ROBO2: variants seen among roughly 807,000 people sequenced by gnomAD.
ROBO2 encodes the protein roundabout guidance receptor 2, also known as roundabout homolog 2.
A neutral mutation model predicts 160.8 loss-of-function variants in ROBO2; 53 were observed. The ratio of observed to expected loss-of-function variants is 0.33; its 90% CI spans 0.26 to 0.41. ROBO2 has a LOEUF of 0.41. Ranked by LOEUF, ROBO2 falls within the 10% of genes least tolerant of loss-of-function variation. ROBO2 has a pLI of 1.00. For missense variants in ROBO2, 1,577 were observed against 1,722.4 expected, an observed-to-expected ratio of 0.92 and a Z score of 1.49; for synonymous variants, 664 against 611.7, an observed-to-expected ratio of 1.09 and a Z score of -1.26.
At chr3:76,744,126 T>C (rs1435175964) in intron 2 of ROBO2, among the ~76,000 whole-genome samples, 3 of 152,148 alleles carry the variant, frequency 2.0e-5, no homozygotes, top group African/African-American at 7.2e-5. Context: ...AAAATGAAGT[T>C]AGAAGATGAG....
chr3:76,963,850 GA>G lies in ROBO2; in HGVS notation c.110-134156del, dbSNP rs1252257358. On this transcript the variant is annotated intron_variant, in intron 2 of 26. Transcript: ENST00000487694. ...ATGAGGAACTGCAAAAAAAAAAAAAGAAAAAAAAGAAAAAAGAAATAAAAAG... is the reference window on the plus strand; with the variant it reads ...ATGAGGAACTGCAAAAAAAAAAAAAGAAAAAAAGAAAAAAGAAATAAAAAG... Among the ~76,000 whole-genome samples, 48 of 110,340 alleles carry G rather than the reference GA, an allele frequency of 4.4e-4. 1 individual carries two copies. The South Asian group carries it at 0.013, about 29-fold the overall frequency. The allele number at this position is 110,340 out of a possible 152,430, so 72.4% of individuals were successfully genotyped here.
chr3:76,871,994 G>T (rs1220633862), intron 2 of ROBO2, among the ~76,000 whole-genome samples: 1 of 151,762 alleles, frequency 6.6e-6, no homozygotes, highest in African/African-American at 2.4e-5. Context: ...TTTCATGAAA[G>T]CTCTAAACTT....
chr3:75,916,967 T>C (rs1425448930), intron 1 of ROBO2, among the ~76,000 whole-genome samples: 1 of 130,372 alleles, frequency 7.7e-6, no homozygotes, highest in Non-Finnish European at 1.6e-5. Context: ...ATAATGAAAA[T>C]GAGTGCATGT....
intron 2 of ROBO2, among the ~76,000 whole-genome samples, chr3:76,161,902 T>G (rs2072653811): frequency 6.6e-6 from 1 of 152,172 alleles, no homozygotes; most frequent in African/African-American, 2.4e-5. Context: ...TTGAGCATGT[T>G]AAATGAAAGG....
intron 2 of ROBO2, among the ~76,000 whole-genome samples, chr3:76,414,857 G>C (rs953120176): frequency 6.6e-6 from 1 of 151,970 alleles, no homozygotes; most frequent in African/African-American, 2.4e-5. Context: ...TATTCTAAGG[G>C]AAGTGATTGA....
At chr3:76,139,842 A>C (rs571490555) in intron 2 of ROBO2, among the ~76,000 whole-genome samples, 1 of 152,054 alleles carries the variant, frequency 6.6e-6, no homozygotes, top group Non-Finnish European at 1.5e-5. Flanking sequence ...TTCCAATCTC[A>C]TATTAGAACT....
At chr3:76,646,528 T>A (rs932567215) in intron 2 of ROBO2, among the ~76,000 whole-genome samples, 5 of 152,180 alleles carry the variant, frequency 3.3e-5, no homozygotes, top group African/African-American at 1.2e-4. Context: ...ATTCATGAAA[T>A]GTGAATAATA....
chr3:76,560,929 GTAAGAT>G (rs1423676338), intron 2 of ROBO2, among the ~76,000 whole-genome samples: 5 of 97,288 alleles, frequency 5.1e-5, no homozygotes, highest in African/African-American at 1.7e-4. Flanking sequence ...TATATAAGAA[GTAAGAT>G]ATATATATAT....
At position 76,459,631 on chromosome 3, in the gene ROBO2, G is replaced by A. The variant is rs536864523; in HGVS notation, c.109+522029G>A. 4.6e-5 allele frequency among the ~76,000 whole-genome samples: 7 copies of A among 152,204 alleles called. No homozygotes were observed. In the South Asian group the frequency reaches 6.2e-4, roughly 14 times the overall value. Reference sequence around the variant, plus strand: ...TACTAAATGCCATTGGTATGAAGTCGTGAATTGGTCCTAAATTTTCTATAA... The same window carrying A: ...TACTAAATGCCATTGGTATGAAGTCATGAATTGGTCCTAAATTTTCTATAA... On this transcript the variant is annotated intron_variant, in intron 2 of 26. Coordinates refer to the ROBO2 transcript ENST00000487694.
At chr3:76,242,775 G>A (rs189410582) in intron 2 of ROBO2, among the ~76,000 whole-genome samples, 5 of 152,108 alleles carry the variant, frequency 3.3e-5, no homozygotes, top group Admixed American at 2.6e-4. Context: ...GTCCCAGCTA[G>A]CTGGGAGGCT....
At chr3:76,574,861 C>T (rs949097188) in intron 2 of ROBO2, among the ~76,000 whole-genome samples, 7 of 152,046 alleles carry the variant, frequency 4.6e-5, no homozygotes, top group Non-Finnish European at 1.0e-4. Context: ...TGCTGCTGGT[C>T]CATGGACAGT....
chr3:75,933,908 G>C (rs1947653233), intron 1 of ROBO2, among the ~76,000 whole-genome samples: 1 of 152,210 alleles, frequency 6.6e-6, no homozygotes, highest in Non-Finnish European at 1.5e-5. Context: ...GTTGGTACCT[G>C]TAGATGTAAT....
intron 2 of ROBO2, among the ~76,000 whole-genome samples, chr3:77,301,676 TTTCTAAGCCCTCTTTG>T (rs2062669904): frequency 6.6e-6 from 1 of 152,236 alleles, no homozygotes; most frequent in Non-Finnish European, 1.5e-5. Flanking sequence ...AAAATCCCTT[TTTCTAAGCCCTCTTTG>T]TTCTCATCAT....
intron 2 of ROBO2, among the ~76,000 whole-genome samples, chr3:75,949,865 A>C (rs1948470352): frequency 6.6e-6 from 1 of 152,062 alleles, no homozygotes; most frequent in Non-Finnish European, 1.5e-5. Context: ...CGTTATCTGA[A>C]CTTTATGTGC....
chr3:76,342,212 A>G (rs1292309563), intron 2 of ROBO2, among the ~76,000 whole-genome samples: 1 of 152,084 alleles, frequency 6.6e-6, no homozygotes, highest in Non-Finnish European at 1.5e-5. Flanking sequence ...CTCATCTCCA[A>G]AACTTTCATG....
At chr3:77,493,505 T>G (rs2086400573) in intron 5 of ROBO2, 123 bp downstream of exon 5, 2 of 1,055,228 alleles carry the variant, frequency 1.9e-6, no homozygotes, top group Admixed American at 3.9e-5. Flanking sequence ...TCATGTGATT[T>G]TTACATATGC....
At chr3:76,806,801 C>T (rs577021155) in intron 2 of ROBO2, among the ~76,000 whole-genome samples, 1 of 152,120 alleles carries the variant, frequency 6.6e-6, no homozygotes, top group Non-Finnish European at 1.5e-5. Flanking sequence ...TATACGTATA[C>T]ATATCAGAGC....
At chr3:76,537,230 G>A (rs2082554240) in intron 2 of ROBO2, among the ~76,000 whole-genome samples, 1 of 151,922 alleles carries the variant, frequency 6.6e-6, no homozygotes, top group African/African-American at 2.4e-5. Context: ...ATTAGGAAGG[G>A]AACAAAGTGT....
At chr3:76,267,008 G>A (rs1410833304) in intron 2 of ROBO2, among the ~76,000 whole-genome samples, 2 of 152,082 alleles carry the variant, frequency 1.3e-5, no homozygotes, top group Admixed American at 6.6e-5. Context: ...TTCTGAAAAT[G>A]GAACACTTGA....
Sources: gnomAD v4.1 joint callset for allele counts (sites outside exome capture counted in the v4.1 genomes callset) on GRCh38, gnomAD v4.1.1 for gene constraint, MANE v1.5 for transcripts, NCBI Gene and HGNC (gene_info 2026-07-23, HGNC 2026-07-21) for gene names.